SMPDL3A: variants seen among roughly 807,000 people sequenced by gnomAD.
SMPDL3A encodes cyclic GMP-AMP phosphodiesterase SMPDL3A.
In SMPDL3A, 39 loss-of-function variants were observed where a neutral mutation model predicts 38.5. That is an observed-to-expected ratio of 1.01 (90% CI 0.78 to 1.32). The LOEUF is 1.32. Among genes scored for constraint, SMPDL3A ranks in the 40% most tolerant of loss-of-function variants. The pLI is 0.00. For missense variants in SMPDL3A, 502 were observed against 536.2 expected, an observed-to-expected ratio of 0.94 and a Z score of 0.63; for synonymous variants, 180 against 194.3, an observed-to-expected ratio of 0.93 and a Z score of 0.61.
rs1781778538 is a variant in SMPDL3A, at chr6:122,809,486, G to A, written c.*78G>A. 9.2e-7 allele frequency: 1 copy of A among 1,086,152 alleles called. No homozygotes were observed. The highest frequency in any genetic ancestry group is 2.5e-5 in the Admixed American group (1 of 40,632). The allele number at this position is 1,086,152 out of a possible 1,614,324, so 67.3% of individuals were successfully genotyped here. ...TTGTGGGAATTTTACATAAATCTTT[G>A]TTAATTACTGAGTGGGCAAGTAGAC... is the stretch of plus-strand genomic sequence containing the variant. On this transcript the variant is annotated 3_prime_UTR_variant, in exon 8 of 8. Coordinates refer to ENST00000368440, the MANE Select transcript of SMPDL3A (RefSeq NM_006714.5).
chr6:122,806,316 A>G lies in SMPDL3A; in HGVS notation c.1003A>G (p.Ile335Val), dbSNP rs768441289. 4.3e-6 allele frequency: 7 copies of G among 1,613,550 alleles called. No individual in the cohort carries two copies. The highest frequency in any genetic ancestry group is 5.9e-6 in the Non-Finnish European group (7 of 1,179,608). The change falls in exon 7 of 8, where the codon ATC becomes GTC. Residue 335 changes from isoleucine (I) to valine (V), a missense_variant. Ile to Val is a conservative substitution (Grantham distance 29). Coordinates refer to ENST00000368440, the MANE Select transcript of SMPDL3A (RefSeq NM_006714.5). ...VLEKQTNNPG[I>V]RLFQYDPRDY... ...AGAAAAACAGACCAACAATCCTGGT[A>G]TCAGACTGTTTCAGTATGATCCTCG...
chr6:122,794,406 G>C (rs1052729128), intron 1 of SMPDL3A, among the ~76,000 whole-genome samples: 5 of 152,022 alleles, frequency 3.3e-5, no homozygotes, highest in Non-Finnish European at 5.9e-5. Flanking sequence ...GACCATCCTG[G>C]CTAACATGGT....
At chr6:122,808,609 C>CCTCCCTCCCTTCCTT (rs1562357722) in intron 7 of SMPDL3A, among the ~76,000 whole-genome samples, 41 of 44,372 alleles carry the variant, frequency 9.2e-4, no homozygotes, top group Non-Finnish European at 1.8e-3. Context: ...CTCCCTCCCT[C>CCTCCCTCCCTTCCTT]CCTTCCTTCC....
In SMPDL3A at chr6:122,804,906, C is replaced by T. The variant is rs764192103; in HGVS notation, c.739-3C>T. 5.7e-6 allele frequency: 9 copies of T among 1,584,754 alleles called. No individual in the cohort carries two copies. The South Asian group carries it at 7.3e-5, about 13-fold the overall frequency. The stretch of plus-strand genomic sequence containing the variant: ...TGAGGCCTTTTTGTGTTTCTTTTTC[C>T]AGGTGTATATCATAGCACATGTTCC... On this transcript the variant is annotated splice_polypyrimidine_tract_variant and splice_region_variant and intron_variant, in intron 5 of 7. Transcript: ENST00000368440.
At chr6:122,803,580 AT>A (rs1390648206) in intron 4 of SMPDL3A, 83 bp from the exon 5 acceptor site, 1 of 988,744 alleles carries the variant, frequency 1.0e-6, no homozygotes, top group African/African-American at 1.6e-5. Flanking sequence ...TCCTGACTGG[AT>A]TGTAAACCTC....
intron 1 of SMPDL3A, among the ~76,000 whole-genome samples, chr6:122,794,513 C>T (rs1781179868): frequency 6.6e-6 from 1 of 152,126 alleles, no homozygotes; most frequent in South Asian, 2.1e-4. Flanking sequence ...AGAAGAATCG[C>T]TTGAACCCGG....
rs540373905 is a variant in SMPDL3A at position 122,807,920 on chromosome 6, C to T, written c.1045-1171C>T. Among the ~76,000 whole-genome samples, 4 of 152,040 alleles carry T rather than the reference C, an allele frequency of 2.6e-5. No individual in the cohort carries two copies. In the East Asian group the frequency reaches 5.8e-4, roughly 22 times the overall value. On this transcript the variant is annotated intron_variant, in intron 7 of 7. Transcript: ENST00000368440. ...GATCTGAACCTCAGATATATACATC[C>T]ACACACACACGTATATATCCATCTA... is the stretch of plus-strand genomic sequence containing the variant.
intron 5 of SMPDL3A, 83 bp downstream of exon 5, chr6:122,803,916 A>G (rs1324223274): frequency 2.7e-6 from 3 of 1,101,466 alleles, no homozygotes; most frequent in Non-Finnish European, 4.0e-6. Context: ...AGACTCCAGT[A>G]TCAATAAAAG....
intron 7 of SMPDL3A, among the ~76,000 whole-genome samples, chr6:122,808,643 C>CTT (rs1462123434): frequency 2.4e-4 from 13 of 55,066 alleles, no homozygotes; most frequent in East Asian, 1.3e-3. Flanking sequence ...TCCTTCCTTC[C>CTT]CCCCCTCCTC....
intron 1 of SMPDL3A, among the ~76,000 whole-genome samples, chr6:122,793,355 G>A (rs1781138609): frequency 1.3e-5 from 2 of 152,144 alleles, no homozygotes; most frequent in Admixed American, 6.5e-5. Context: ...CAAGATTAGT[G>A]GGTGGTGGAG....
Position 122,798,407 on chromosome 6 carries a change from A to G in SMPDL3A, c.471+1439A>G, listed in dbSNP as rs1023971414. Among the ~76,000 whole-genome samples the G allele has an allele frequency of 1.6e-4, 25 of 152,182 alleles. 1 individual carries two copies. The highest frequency in any genetic ancestry group is 8.8e-5 in the Non-Finnish European group (6 of 68,024). The stretch of plus-strand genomic sequence containing the variant: ...GGAATATTGGAAAACACAGGTGTTC[A>G]TAGTCACTAGAATGTAAATCTTTAA... On this transcript the variant is annotated intron_variant, in intron 3 of 7. Coordinates refer to ENST00000368440, the MANE Select transcript of SMPDL3A (RefSeq NM_006714.5).
At position 122,804,935 on chromosome 6, in the gene SMPDL3A, G is replaced by A. The variant is rs147520811; in HGVS notation, c.765G>A (p.Val255=). ...TGTATATCATAGCACATGTTCCAGT[G>A]GGGTATCTGCCATCTTCACAGAACA... is the stretch of plus-strand genomic sequence containing the variant. ...EKVYIIAHVP[V]GYLPSSQNIT... is the part of the protein sequence containing the mutation. Residue 255 remains valine (V), a synonymous_variant, in exon 6 of 8, where the codon GTG becomes GTA. Coordinates refer to ENST00000368440, the MANE Select transcript of SMPDL3A (RefSeq NM_006714.5). 6.2e-7 allele frequency: 1 copy of A among 1,611,690 alleles called. No individual in the cohort carries two copies. The highest frequency in any genetic ancestry group is 8.5e-7 in the Non-Finnish European group (1 of 1,179,334).
chr6:122,796,713 G>C (rs1306656420), intron 2 of SMPDL3A, 111 bp from the exon 3 acceptor site: 23 of 728,298 alleles, frequency 3.2e-5, no homozygotes, highest in Non-Finnish European at 4.1e-5. Context: ...GCTGTAATCT[G>C]CTGTTTTAAA....
Position 122,795,693 on chromosome 6 carries a change from G to T in SMPDL3A, c.129G>T (p.Val43=). 1 of 1,613,854 alleles carries T rather than the reference G, an allele frequency of 6.2e-7. No individual in the cohort carries two copies. Among genetic ancestry groups the T allele is most frequent in the South Asian group, 1.1e-5 (1 of 91,000 alleles). ...PPPAIGQFWH[V]TDLHLDPTYH... is the part of the protein sequence containing the mutation. The stretch of plus-strand genomic sequence containing the variant: ...AATCAACAGGACAGTTTTGGCATGT[G>T]ACTGACTTACACTTAGACCCTACTT... Residue 43 remains valine, a synonymous_variant, in exon 2 of 8, where the codon GTG becomes GTT. Coordinates refer to ENST00000368440, the MANE Select transcript of SMPDL3A (RefSeq NM_006714.5).
At chr6:122,802,904 A>AG (rs11381342) in intron 4 of SMPDL3A, among the ~76,000 whole-genome samples, 126,296 of 151,968 alleles carry the variant, frequency 0.83, 53,196 homozygotes, top group East Asian at 0.99. Flanking sequence ...TGGACATGAA[A>AG]GCAGCTTCTC....
intron 3 of SMPDL3A, among the ~76,000 whole-genome samples, chr6:122,797,936 T>C (rs1781305114): frequency 6.6e-6 from 1 of 152,146 alleles, no homozygotes; most frequent in Non-Finnish European, 1.5e-5. Flanking sequence ...ATACGCTAGA[T>C]CTTTTTACCT....
At chr6:122,796,542 G>A (rs80211212) in intron 2 of SMPDL3A, among the ~76,000 whole-genome samples, 476 of 152,302 alleles carry the variant, frequency 3.1e-3, no homozygotes, top group Non-Finnish European at 5.6e-3. Flanking sequence ...ATTGGCATCT[G>A]CTTTTAATTA....
intron 4 of SMPDL3A, among the ~76,000 whole-genome samples, chr6:122,801,732 A>G (rs1445780482): frequency 6.6e-6 from 1 of 152,256 alleles, no homozygotes; most frequent in Non-Finnish European, 1.5e-5. Flanking sequence ...GAGAAGAGAG[A>G]ATGGACACTA....
At chr6:122,807,626 A>G (rs767870764) in intron 7 of SMPDL3A, among the ~76,000 whole-genome samples, 1 of 152,192 alleles carries the variant, frequency 6.6e-6, no homozygotes, top group African/African-American at 2.4e-5. Context: ...GCTTATGGGT[A>G]CTTCAGTTTG....
Sources: gnomAD v4.1 joint callset for allele counts (sites outside exome capture counted in the v4.1 genomes callset) on GRCh38, gnomAD v4.1.1 for gene constraint, MANE v1.5 for transcripts, NCBI Gene and HGNC (gene_info 2026-07-23, HGNC 2026-07-21) for gene names.